NRAP: variants seen among roughly 807,000 people sequenced by gnomAD.
The protein encoded by NRAP is nebulin-related-anchoring protein.
NRAP carries 189 observed loss-of-function variants against 225.9 expected under a neutral mutation model. The observed-to-expected ratio is 0.84, with a 90% CI of 0.74 to 0.94. NRAP has a LOEUF of 0.94. Among genes scored for constraint, NRAP ranks in the 40% least tolerant of loss-of-function variants. The probability of loss-of-function intolerance (pLI) is 0.00; values close to 1 mark genes in which losing one functional copy is unlikely to be tolerated. For synonymous variants in NRAP, 769 were observed against 790.7 expected (o/e 0.97, Z 0.46); for missense variants, 2,176 against 2,168.7 (o/e 1.00, Z -0.07).
intron 30 of NRAP, among the ~76,000 whole-genome samples, chr10:113,610,853 C>CA (rs1257784051): frequency 6.6e-6 from 1 of 152,080 alleles, no homozygotes; most frequent in East Asian, 1.9e-4. Flanking sequence ...TGTGGGCTAT[C>CA]AAAAAATAAA....
In NRAP at chr10:113,614,545, T is replaced by C. The variant is rs561565729; in HGVS notation, c.3187-249A>G. Among the ~76,000 whole-genome samples the C allele has an allele frequency of 4.6e-5, 7 of 152,258 alleles. No individual in the cohort carries two copies. In the South Asian group the frequency reaches 1.4e-3, roughly 32 times the overall value. ...CCCGCACTGGAGGAAGGTGGGTGCA[T>C]TGTTAGCCATCTCTTCACATGGACT... On this transcript the variant is annotated intron_variant, in intron 28 of 41. Transcript: ENST00000359988.
At chr10:113,613,702 G>A (rs1592764102) in intron 29 of NRAP, among the ~76,000 whole-genome samples, 1 of 152,254 alleles carries the variant, frequency 6.6e-6, no homozygotes, top group East Asian at 1.9e-4. Flanking sequence ...TGAAGAGGAG[G>A]GTGGCTGCCT....
chr10:113,651,630 T>C (rs1849977585), intron 7 of NRAP, among the ~76,000 whole-genome samples, 173 bp downstream of exon 7: 1 of 152,178 alleles, frequency 6.6e-6, no homozygotes, highest in South Asian at 2.1e-4. Context: ...CTGAGGATAA[T>C]GGCCTCCAGC....
chr10:113,612,763 C>T (rs756787603), intron 29 of NRAP, among the ~76,000 whole-genome samples: 12 of 152,214 alleles, frequency 7.9e-5, no homozygotes, highest in Non-Finnish European at 1.6e-4. Context: ...TTTTCAGAGG[C>T]AAGAAGATGC....
chr10:113,590,958 G>T (rs2133816129), intron 39 of NRAP, 69 bp from the exon 40 acceptor site: 1 of 1,385,402 alleles, frequency 7.2e-7, no homozygotes, highest in Non-Finnish European at 1.0e-6. Flanking sequence ...CACATATGGG[G>T]CCATCCCAGG....
Position 113,663,938 on chromosome 10 carries a change from A to G in NRAP, c.-56T>C. On this transcript the variant is annotated 5_prime_UTR_variant, in exon 1 of 42. Transcript: ENST00000359988. ...GGCAACAGGCAAGAAATGCAAGGAG[A>G]ACCCCCAGTCTAGTTCAAGTCTTCA... The G allele has an allele frequency of 7.7e-7, 1 of 1,305,856 alleles. No homozygotes were observed. The highest frequency in any genetic ancestry group is 1.2e-5 in the South Asian group (1 of 85,124). The allele number at this position is 1,305,856 out of a possible 1,614,324, so 80.9% of individuals were successfully genotyped here.
intron 2 of NRAP, 53 bp downstream of exon 2, chr10:113,663,299 G>T: frequency 9.2e-7 from 1 of 1,088,984 alleles, no homozygotes; most frequent in Non-Finnish European, 1.4e-6. Flanking sequence ...TTGGCTCCTT[G>T]TTGAAAAACA....
rs185963370 is a variant in NRAP, at chr10:113,662,866, A to T, written c.168-100T>A. Reference sequence around the variant, plus strand: ...TTTTTAAATAATAACAGTTATTTTTAAAAAATCAATAAATGTAAAACTTAA... The same window carrying T: ...TTTTTAAATAATAACAGTTATTTTTTAAAAATCAATAAATGTAAAACTTAA... On this transcript the variant is annotated intron_variant, in intron 2 of 41. Transcript: ENST00000359988. 3.5e-3 allele frequency: 1,955 copies of T among 565,066 alleles called. 27 individuals carry two copies. Among genetic ancestry groups the T allele is most frequent in the African/African-American group, 0.03 (1,539 of 50,712 alleles). 35.0% of individuals were successfully genotyped at this position (565,066 alleles called of 1,614,324 possible).
Position 113,592,316 on chromosome 10 carries a change from C to G in NRAP, c.4537-15G>C. 1 of 1,561,694 alleles carries G rather than the reference C, an allele frequency of 6.4e-7. No homozygotes were observed. Among genetic ancestry groups the G allele is most frequent in the Non-Finnish European group, 8.8e-7 (1 of 1,134,220 alleles). ...CTGTAGACTTTCTAGATTGGAAAAA[C>G]AAAAGCATGAGTAAGCAGGCAGTCA... is the stretch of plus-strand genomic sequence containing the variant. On this transcript the variant is annotated splice_polypyrimidine_tract_variant and intron_variant, in intron 38 of 41. Coordinates refer to ENST00000359988, the MANE Select transcript of NRAP (RefSeq NM_198060.4).
At chr10:113,631,739 A>C in intron 17 of NRAP, 118 bp downstream of exon 17, 3 of 889,750 alleles carry the variant, frequency 3.4e-6, no homozygotes, top group Non-Finnish European at 5.5e-6. Context: ...AATCCAGAAG[A>C]AGATTAAAGT....
At chr10:113,656,539 A>T (rs1027211614) in intron 4 of NRAP, among the ~76,000 whole-genome samples, 3 of 152,248 alleles carry the variant, frequency 2.0e-5, no homozygotes, top group Non-Finnish European at 2.9e-5. Context: ...TTTTGGGTTT[A>T]TATAACATAT....
intron 11 of NRAP, 123 bp from the exon 12 acceptor site, chr10:113,643,161 A>G: frequency 3.6e-6 from 2 of 559,828 alleles, no homozygotes; most frequent in Non-Finnish European, 6.4e-6. Context: ...CATATCAAGC[A>G]TAGAATATGC....
At chr10:113,603,132 G>A (rs895607765) in intron 35 of NRAP, among the ~76,000 whole-genome samples, 4 of 152,190 alleles carry the variant, frequency 2.6e-5, no homozygotes, top group South Asian at 4.1e-4. Flanking sequence ...GATGTGAGAC[G>A]CAGTGCCTGC....
chr10:113,663,340 T>C lies in NRAP; in HGVS notation c.167+12A>G. Reference sequence around the variant, plus strand: ...AACTCAAGAGGTAGTGGTGGGGGCATCAAACACTTACGCGTGACAGTACGG... The same window carrying C: ...AACTCAAGAGGTAGTGGTGGGGGCACCAAACACTTACGCGTGACAGTACGG... On this transcript the variant is annotated intron_variant, in intron 2 of 41. Transcript: ENST00000359988. The C allele has an allele frequency of 2.0e-6, 3 of 1,530,310 alleles. No individual in the cohort carries two copies. The highest frequency in any genetic ancestry group is 2.7e-6 in the Non-Finnish European group (3 of 1,103,712). The allele number at this position is 1,530,310 out of a possible 1,614,324, so 94.8% of individuals were successfully genotyped here.
chr10:113,604,979 A>G (rs1846863479), intron 34 of NRAP, 59 bp from the exon 35 acceptor site: 1 of 1,548,686 alleles, frequency 6.5e-7, no homozygotes, highest in African/African-American at 1.4e-5. Flanking sequence ...CAGACTCTAG[A>G]AAAATCACTT....
In NRAP at chr10:113,662,871, A is replaced by G. The variant is rs565249656; in HGVS notation, c.168-105T>C. 62 of 553,242 alleles carry G rather than the reference A, an allele frequency of 1.1e-4. 1 individual carries two copies. The South Asian group carries it at 1.4e-3, about 12-fold the overall frequency. The allele number at this position is 553,242 out of a possible 1,614,324, so 34.3% of individuals were successfully genotyped here. A position where few individuals can be genotyped will look rare whatever the true frequency, so the allele number is the denominator to read the frequency against. On this transcript the variant is annotated intron_variant, in intron 2 of 41. Transcript: ENST00000359988. ...AAATAATAACAGTTATTTTTAAAAA[A>G]TCAATAAATGTAAAACTTAAAAATT...
chr10:113,593,196 C>T (rs191577297), intron 38 of NRAP, among the ~76,000 whole-genome samples: 4 of 152,206 alleles, frequency 2.6e-5, no homozygotes, highest in East Asian at 1.9e-4. Context: ...AGCCCCAGAC[C>T]GTGTCGGTTG....
chr10:113,644,158 A>AAAAAG (rs1849367920), intron 11 of NRAP, among the ~76,000 whole-genome samples: 1 of 148,878 alleles, frequency 6.7e-6, no homozygotes, highest in Non-Finnish European at 1.5e-5. Context: ...AAAAAAAAAA[A>AAAAAG]AAAAAAAAAA....
In NRAP at chr10:113,663,334, G is replaced by A. The variant is rs138417904; in HGVS notation, c.167+18C>T. 7.0e-7 allele frequency: 1 copy of A among 1,424,910 alleles called. No homozygotes were observed. Among genetic ancestry groups the A allele is most frequent in the Non-Finnish European group, 9.9e-7 (1 of 1,007,862 alleles). The allele number at this position is 1,424,910 out of a possible 1,614,324, so 88.3% of individuals were successfully genotyped here. A position where few individuals can be genotyped will look rare whatever the true frequency, so the allele number is the denominator to read the frequency against. On this transcript the variant is annotated intron_variant, in intron 2 of 41. Coordinates refer to ENST00000359988, the MANE Select transcript of NRAP (RefSeq NM_198060.4). Reference sequence around the variant, plus strand: ...AAATAAAACTCAAGAGGTAGTGGTGGGGGCATCAAACACTTACGCGTGACA... The same window carrying A: ...AAATAAAACTCAAGAGGTAGTGGTGAGGGCATCAAACACTTACGCGTGACA...
Sources: gnomAD v4.1 joint callset for allele counts (sites outside exome capture counted in the v4.1 genomes callset) on GRCh38, gnomAD v4.1.1 for gene constraint, MANE v1.5 for transcripts, NCBI Gene and HGNC (gene_info 2026-07-23, HGNC 2026-07-21) for gene names.